Variants in FMN2 observed in about 807,000 individuals in gnomAD.
FMN2 encodes formin-2.
FMN2 carries 51 observed loss-of-function variants against 142.3 expected under a neutral mutation model. The ratio of observed to expected loss-of-function variants is 0.36; its 90% CI spans 0.29 to 0.45. The LOEUF (loss-of-function observed/expected upper bound fraction) is 0.45. FMN2 is among the 20% of genes least tolerant of loss of function. FMN2 has a pLI of 1.00. For synonymous variants in FMN2, 882 were observed against 869.8 expected, an observed-to-expected ratio of 1.01 and a Z score of -0.25; for missense variants, 1,936 against 2,122.8, an observed-to-expected ratio of 0.91 and a Z score of 1.73.
intron 7 of FMN2, chr1:240,285,247 A>G (rs1256704070): frequency 2.2e-6 from 1 of 455,510 alleles, no homozygotes; most frequent in South Asian, 1.5e-5. Flanking sequence ...AGCCAACACG[A>G]TTCATGATGT....
chr1:240,217,361 T>A (rs1332791252), intron 6 of FMN2, among the ~76,000 whole-genome samples: 2 of 152,216 alleles, frequency 1.3e-5, no homozygotes, highest in Non-Finnish European at 2.9e-5. Flanking sequence ...TTGTTCCAGT[T>A]GTAGTTGGCA....
At chr1:240,335,054 C>T (rs1401481208) in intron 13 of FMN2, among the ~76,000 whole-genome samples, 7 of 152,182 alleles carry the variant, frequency 4.6e-5, no homozygotes, top group African/African-American at 1.7e-4. Context: ...TCCAAAGATA[C>T]TGATCTGTAA....
chr1:240,230,341 CAACAAA>C (rs1484521593), intron 6 of FMN2, among the ~76,000 whole-genome samples: 1 of 129,032 alleles, frequency 7.8e-6, no homozygotes, highest in Non-Finnish European at 1.6e-5. Flanking sequence ...ACAACAACAA[CAACAAA>C]AAAACTAACC....
intron 7 of FMN2, among the ~76,000 whole-genome samples, chr1:240,279,688 G>A (rs184535805): frequency 2.6e-5 from 4 of 152,182 alleles, no homozygotes; most frequent in African/African-American, 9.6e-5. Flanking sequence ...AAGCACATCA[G>A]ATAAATCCTA....
intron 16 of FMN2, among the ~76,000 whole-genome samples, chr1:240,470,684 A>G (rs963494501): frequency 5.9e-5 from 9 of 152,178 alleles, no homozygotes; most frequent in African/African-American, 2.2e-4. Context: ...TTAGGCTATA[A>G]GGTCTATATG....
In FMN2 at chr1:240,468,206, ATGTG is replaced by A. The variant is rs199866888; in HGVS notation, c.5061-4142_5061-4139del. ...AATGCATCCACTAAAATATATATAT[ATGTG>A]TGTGTGTGTGTGTGTGTGTGTGTAT... On this transcript the variant is annotated intron_variant, in intron 16 of 17. Transcript: ENST00000319653. Among the ~76,000 whole-genome samples, 181 of 147,952 alleles carry A rather than the reference ATGTG, an allele frequency of 1.2e-3. 2 individuals are homozygous for A. In the South Asian group the frequency reaches 0.015, roughly 12 times the overall value.
At chr1:240,249,113 T>G (rs1668188890) in intron 6 of FMN2, among the ~76,000 whole-genome samples, 1 of 152,112 alleles carries the variant, frequency 6.6e-6, no homozygotes, top group Non-Finnish European at 1.5e-5. Flanking sequence ...AATAGTCCCA[T>G]TTGTCTATTT....
At chr1:240,306,804 A>G (rs1174854838) in intron 8 of FMN2, among the ~76,000 whole-genome samples, 3 of 152,204 alleles carry the variant, frequency 2.0e-5, no homozygotes, top group Non-Finnish European at 4.4e-5. Context: ...TTCTATTTTT[A>G]GTTCATTGGG....
chr1:240,194,280 G>C (rs1665829142), intron 4 of FMN2, among the ~76,000 whole-genome samples: 1 of 152,246 alleles, frequency 6.6e-6, no homozygotes, highest in Admixed American at 6.5e-5. Flanking sequence ...TGAGGATCTG[G>C]GCTTTGGACC....
At chr1:240,391,154 GT>G (rs1410205577) in intron 14 of FMN2, among the ~76,000 whole-genome samples, 1 of 152,110 alleles carries the variant, frequency 6.6e-6, no homozygotes, top group Middle Eastern at 3.4e-3. Context: ...TGACCTGTAA[GT>G]TTATACAAAC....
At chr1:240,406,027 G>A (rs72767950) in intron 15 of FMN2, among the ~76,000 whole-genome samples, 21,284 of 143,026 alleles carry the variant, frequency 0.15, 1,844 homozygotes, top group East Asian at 0.51. Context: ...GAAGCGAAGG[G>A]AAGCAGCGTC....
At chr1:240,163,651 TG>T (rs1159233431) in intron 2 of FMN2, among the ~76,000 whole-genome samples, 1 of 152,090 alleles carries the variant, frequency 6.6e-6, no homozygotes, top group African/African-American at 2.4e-5. Context: ...GACAGTCTTT[TG>T]TTTTTTACTG....
intron 6 of FMN2, among the ~76,000 whole-genome samples, chr1:240,219,716 A>G (rs1667035719): frequency 2.6e-5 from 4 of 151,780 alleles, no homozygotes; most frequent in Admixed American, 2.6e-4. Flanking sequence ...GTACTGTGGT[A>G]TGATCATGGC....
At chr1:240,325,310 T>G (rs1671127961) in intron 8 of FMN2, among the ~76,000 whole-genome samples, 1 of 141,910 alleles carries the variant, frequency 7.0e-6, no homozygotes, top group Non-Finnish European at 1.5e-5. Flanking sequence ...GCCACTGCAC[T>G]TCAGCCTGGG....
At position 240,092,812 on chromosome 1, in the gene FMN2, C is replaced by T. The variant is rs149103365; in HGVS notation, c.703C>T (p.Pro235Ser). The T allele has an allele frequency of 1.6e-5, 25 of 1,577,776 alleles. No individual in the cohort carries two copies. Among genetic ancestry groups the T allele is most frequent in the Middle Eastern group, 3.8e-4 (2 of 5,232 alleles). ...QLQGAEEPAAPPTAVSPQPGA... is the reference protein window; with the variant it reads ...QLQGAEEPAASPTAVSPQPGA... ...CCAGGGCGCCGAGGAGCCTGCAGCGCCCCCCACTGCCGTCTCCCCTCAGCC... is the reference window on the plus strand; with the variant it reads ...CCAGGGCGCCGAGGAGCCTGCAGCGTCCCCCACTGCCGTCTCCCCTCAGCC... Residue 235 changes from proline (P) to serine (S), a missense_variant, in exon 1 of 18, where the codon CCC becomes TCC. Around this residue, in one of 8 missense-constraint regions of FMN2, gnomAD observed 751 missense variants for 791.8 expected, o/e 0.95. Transcript: ENST00000319653.
At chr1:240,225,936 G>A (rs1041802206) in intron 6 of FMN2, among the ~76,000 whole-genome samples, 4 of 152,052 alleles carry the variant, frequency 2.6e-5, no homozygotes, top group Non-Finnish European at 4.4e-5. Context: ...TTTAACGATC[G>A]ATTAGTGGTG....
At position 240,371,669 on chromosome 1, in the gene FMN2, G is replaced by T. The variant is rs149223672; in HGVS notation, c.4858+15761G>T. Among the ~76,000 whole-genome samples, 257 of 152,250 alleles carry T rather than the reference G, an allele frequency of 1.7e-3. 4 individuals carry two copies. In the East Asian group the frequency reaches 0.044, roughly 26 times the overall value. On this transcript the variant is annotated intron_variant, in intron 14 of 17. Transcript: ENST00000319653. The stretch of plus-strand genomic sequence containing the variant: ...ATTAAATTGCACCATTTAAAATTAT[G>T]ATATTTTCTGGTTAATGTCTAAAAT...
At chr1:240,313,796 C>T (rs1247342244) in intron 8 of FMN2, among the ~76,000 whole-genome samples, 1 of 151,954 alleles carries the variant, frequency 6.6e-6, no homozygotes, top group Non-Finnish European at 1.5e-5. Context: ...GGTGAAACCC[C>T]GTCTCTACTA....
intron 15 of FMN2, among the ~76,000 whole-genome samples, chr1:240,412,052 G>A (rs1054928331): frequency 2.0e-5 from 3 of 152,100 alleles, no homozygotes; most frequent in East Asian, 1.9e-4. Context: ...GCCTAAGACC[G>A]AAGCCATGAG....
Sources: allele counts gnomAD v4.1 joint callset (sites outside exome capture counted in the v4.1 genomes callset), GRCh38; gene constraint gnomAD v4.1.1; regional missense constraint gnomAD v4.1.1; transcripts MANE v1.5; gene names NCBI Gene and HGNC (gene_info 2026-07-23, HGNC 2026-07-21).